Variants in NOD1 observed in about 807,000 individuals in gnomAD.
NOD1 encodes nucleotide-binding oligomerization domain-containing protein 1.
NOD1 carries 70 observed loss-of-function variants against 81.2 expected under a neutral mutation model. The observed-to-expected ratio is 0.86, with a 90% CI of 0.71 to 1.05. The LOEUF (loss-of-function observed/expected upper bound fraction) is 1.05. Ranked by LOEUF, NOD1 falls within the 50% of genes least tolerant of loss-of-function variation. The pLI is 0.00. For synonymous variants in NOD1, 508 were observed against 526.9 expected (o/e 0.96, Z 0.49); for missense variants, 1,233 against 1,228.0 (o/e 1.00, Z -0.06).
rs1281412183 is a variant in NOD1 at position 30,478,714 on chromosome 7, C to G, written c.-460G>C. 1 of 152,320 alleles carries G rather than the reference C, an allele frequency of 6.6e-6. No homozygotes were observed. Among genetic ancestry groups the G allele is most frequent in the Non-Finnish European group, 1.5e-5 (1 of 68,122 alleles). The allele number at this position is 152,320 out of a possible 1,614,324, so 9.4% of individuals were successfully genotyped here. On this transcript the variant is annotated 5_prime_UTR_variant, in exon 1 of 14. Transcript: ENST00000222823. The surrounding 1 kb of genome is among the most constrained non-coding windows in gnomAD (Gnocchi z 4.1). ...CGGGAAGCGCCGTGGCCCGGGAGGA[C>G]GCTGCTCCCGCAGTAGCGCGAGGGA...
intron 1 of NOD1, among the ~76,000 whole-genome samples, chr7:30,477,384 AG>A (rs1249421315): frequency 9.9e-5 from 15 of 152,178 alleles, no homozygotes; most frequent in African/African-American, 3.6e-4. Flanking sequence ...CTCCTCTCTA[AG>A]ATGCATCGTG....
At chr7:30,445,278 T>TAAAAAAAAAAAAAAAAAACA (rs1784924939) in intron 9 of NOD1, among the ~76,000 whole-genome samples, 1 of 69,176 alleles carries the variant, frequency 1.4e-5, no homozygotes, top group Non-Finnish European at 2.5e-5. Flanking sequence ...AAAAAGAATC[T>TAAAAAAAAAAAAAAAAAACA]AAAAAAAAAA....
intron 12 of NOD1, 21 bp from the exon 13 acceptor site, chr7:30,429,478 G>C: frequency 3.1e-6 from 5 of 1,606,198 alleles, no homozygotes; most frequent in Non-Finnish European, 4.3e-6. Flanking sequence ...AACATAACTT[G>C]TATAAAATCC....
chr7:30,454,069 C>CA (rs1562692341), intron 5 of NOD1, among the ~76,000 whole-genome samples: 1 of 152,174 alleles, frequency 6.6e-6, no homozygotes, highest in Non-Finnish European at 1.5e-5. Flanking sequence ...AAGGAGCAGA[C>CA]AGAGTCAGAA....
At chr7:30,437,426 T>G in intron 10 of NOD1, 147 bp downstream of exon 10, 1 of 487,682 alleles carries the variant, frequency 2.1e-6, no homozygotes, top group Non-Finnish European at 3.6e-6. Flanking sequence ...TGGCCTCTTA[T>G]GCATCAAAGA....
At chr7:30,462,179 A>T (rs1387123331) in intron 1 of NOD1, among the ~76,000 whole-genome samples, 1 of 152,246 alleles carries the variant, frequency 6.6e-6, no homozygotes, top group Non-Finnish European at 1.5e-5. Flanking sequence ...TCAATGTAAA[A>T]TTCTCTTCAC....
Position 30,429,298 on chromosome 7 carries a change from G to C in NOD1, c.2789+76C>G, listed in dbSNP as rs759204264. 1.7e-5 allele frequency: 21 copies of C among 1,260,064 alleles called. No individual in the cohort carries two copies. The African/African-American group carries it at 2.9e-4, about 18-fold the overall frequency. The allele number at this position is 1,260,064 out of a possible 1,614,324, so 78.1% of individuals were successfully genotyped here. A position where few individuals can be genotyped will look rare whatever the true frequency, so the allele number is the denominator to read the frequency against. ...GAGGAATAAACAGAAACCACCCTGC[G>C]TTGTGCCTTGCACAGTCAGTGGTGG... On this transcript the variant is annotated intron_variant, in intron 13 of 13. Coordinates refer to ENST00000222823, the MANE Select transcript of NOD1 (RefSeq NM_006092.4).
chr7:30,454,203 T>C (rs1170544974), intron 5 of NOD1, among the ~76,000 whole-genome samples: 2 of 152,192 alleles, frequency 1.3e-5, no homozygotes, highest in East Asian at 1.9e-4. Context: ...TCCAACAACA[T>C]ATTGGATTCT....
Position 30,433,116 on chromosome 7 carries a change from G to A in NOD1, c.2685C>T (p.Asn895=), listed in dbSNP as rs1327381048. 4.3e-6 allele frequency: 7 copies of A among 1,613,148 alleles called. No homozygotes were observed. In the Admixed American group the frequency reaches 6.7e-5, roughly 15 times the overall value. ...AESLAEMLKV[N]QTLKHLWLIQ... ...GTTACCATAAATGCTTTAACGTCTG[G>A]TTGACTTTCAACATTTCTGCCAAAC... Residue 895 remains asparagine (N), a synonymous_variant, in exon 12 of 14, where the codon AAC becomes AAT. Transcript: ENST00000222823.
chr7:30,425,410 C>T lies in NOD1; in HGVS notation c.*228G>A. 1.7e-6 allele frequency: 1 copy of T among 579,084 alleles called. No individual in the cohort carries two copies. Among genetic ancestry groups the T allele is most frequent in the Non-Finnish European group, 3.1e-6 (1 of 324,258 alleles). The allele number at this position is 579,084 out of a possible 1,614,324, so 35.9% of individuals were successfully genotyped here. On this transcript the variant is annotated 3_prime_UTR_variant, in exon 14 of 14. Transcript: ENST00000222823. ...CTTCACAGTGTATTTACTGTAACTA[C>T]AACAGCTCGCAAGACACATTCTTTT...
chr7:30,438,201 T>A (rs534730939), intron 9 of NOD1, among the ~76,000 whole-genome samples: 1 of 152,338 alleles, frequency 6.6e-6, no homozygotes, highest in South Asian at 2.1e-4. Flanking sequence ...CCAAGCTCTG[T>A]GGCTACGGCC....
rs905344826 is a variant in NOD1, at chr7:30,478,736, G to A, written c.-482C>T. 6.6e-6 allele frequency: 1 copy of A among 152,322 alleles called. No homozygotes were observed. The highest frequency in any genetic ancestry group is 2.1e-4 in the South Asian group (1 of 4,838). 9.4% of individuals were successfully genotyped at this position (152,322 alleles called of 1,614,324 possible). On this transcript the variant is annotated 5_prime_UTR_variant, in exon 1 of 14. Coordinates refer to ENST00000222823, the MANE Select transcript of NOD1 (RefSeq NM_006092.4). This position sits in a 1 kb window ranked among gnomAD's most constrained non-coding sequence, Gnocchi z 4.1. Reference sequence around the variant, plus strand: ...GGACGCTGCTCCCGCAGTAGCGCGAGGGAGGGGCAGGACCGGGGCGGCTGC... The same window carrying A: ...GGACGCTGCTCCCGCAGTAGCGCGAAGGAGGGGCAGGACCGGGGCGGCTGC...
chr7:30,432,124 A>G (rs890549988), intron 12 of NOD1, among the ~76,000 whole-genome samples: 3 of 152,158 alleles, frequency 2.0e-5, no homozygotes, highest in African/African-American at 7.2e-5. Flanking sequence ...CAAAAATTAA[A>G]AACTGTTGTC....
In NOD1 at chr7:30,455,005, T is replaced by C. The variant is rs1786189622; in HGVS notation, c.376+132A>G. 4.7e-6 allele frequency: 4 copies of C among 852,546 alleles called. No homozygotes were observed. In the East Asian group the frequency reaches 1.0e-4, roughly 21 times the overall value. 52.8% of individuals were successfully genotyped at this position (852,546 alleles called of 1,614,324 possible). ...GCACTTGGGAGACAGGATTCAGCTG[T>C]TCCTTTCTAAAATCAAAATAGCACC... On this transcript the variant is annotated intron_variant, in intron 5 of 13. Transcript: ENST00000222823.
chr7:30,446,528 G>A (rs1785105552), intron 8 of NOD1: 3 of 438,966 alleles, frequency 6.8e-6, no homozygotes, highest in Admixed American at 7.9e-5. Context: ...GGGAGACCTG[G>A]GAGGTCCCAC....
chr7:30,438,640 G>T (rs1262713761), intron 9 of NOD1, among the ~76,000 whole-genome samples: 1 of 152,192 alleles, frequency 6.6e-6, no homozygotes, highest in African/African-American at 2.4e-5. Context: ...ATGGCTTGCT[G>T]GAACCCAGAA....
In NOD1 at chr7:30,467,734, T is replaced by G. The variant is rs1787847581; in HGVS notation, c.-351-7693A>C. Among the ~76,000 whole-genome samples the G allele has an allele frequency of 6.6e-6, 1 of 152,198 alleles. No individual in the cohort carries two copies. The highest frequency in any genetic ancestry group is 1.5e-5 in the Non-Finnish European group (1 of 68,032). ...TGTTTGTTTTGAGACAGAGTTTCACTCTTGTCACCCAGGCTGGAGTGCGAT... is the reference window on the plus strand; with the variant it reads ...TGTTTGTTTTGAGACAGAGTTTCACGCTTGTCACCCAGGCTGGAGTGCGAT... On this transcript the variant is annotated intron_variant, in intron 1 of 13. Transcript: ENST00000222823. This position sits in a 1 kb window ranked among gnomAD's most constrained non-coding sequence, Gnocchi z 4.5.
intron 1 of NOD1, chr7:30,464,112 G>T (rs1583846937): frequency 6.6e-6 from 1 of 152,192 alleles, no homozygotes; most frequent in African/African-American, 2.4e-5. Flanking sequence ...ATAAAGAAGG[G>T]TAAGAACTCA....
At position 30,478,251 on chromosome 7, in the gene NOD1, C is replaced by G. The variant is rs1189597082; in HGVS notation, c.-352+355G>C. 6.6e-6 allele frequency among the ~76,000 whole-genome samples: 1 copy of G among 152,012 alleles called. No homozygotes were observed. The highest frequency in any genetic ancestry group is 1.5e-5 in the Non-Finnish European group (1 of 68,008). ...TCACTTGGGGAGCTTTTAAAAGATACGGAGGCCTGGGTCTGACTCCGTGAG... is the reference window on the plus strand; with the variant it reads ...TCACTTGGGGAGCTTTTAAAAGATAGGGAGGCCTGGGTCTGACTCCGTGAG... On this transcript the variant is annotated intron_variant, in intron 1 of 13. Transcript: ENST00000222823. The surrounding 1 kb of genome is among the most constrained non-coding windows in gnomAD (Gnocchi z 4.1).
Sources: gnomAD v4.1 joint callset for allele counts (sites outside exome capture counted in the v4.1 genomes callset) on GRCh38, gnomAD v4.1.1 for gene constraint, Gnocchi (gnomAD v3.1) non-coding constraint, MANE v1.5 for transcripts, NCBI Gene and HGNC (gene_info 2026-07-23, HGNC 2026-07-21) for gene names.